IFT80: variants seen among roughly 807,000 people sequenced by gnomAD.
The protein encoded by IFT80 is intraflagellar transport protein 80 homolog.
IFT80 carries 79 observed loss-of-function variants against 107.9 expected under a neutral mutation model. The ratio of observed to expected loss-of-function variants is 0.73; its 90% CI spans 0.61 to 0.88. The LOEUF is 0.88. Ranked by LOEUF, IFT80 falls within the 40% of genes least tolerant of loss-of-function variation. The probability of loss-of-function intolerance (pLI) is 0.00; values close to 1 mark genes in which losing one functional copy is unlikely to be tolerated. For synonymous variants in IFT80, 299 were observed against 300.9 expected (o/e 0.99, Z 0.07); for missense variants, 797 against 914.2 (o/e 0.87, Z 1.65).
chr3:160,282,627 TA>T lies in IFT80; in HGVS notation c.1381-15del. The T allele has an allele frequency of 6.7e-7, 1 of 1,486,068 alleles. No individual in the cohort carries two copies. Among genetic ancestry groups the T allele is most frequent in the Non-Finnish European group, 9.4e-7 (1 of 1,067,718 alleles). The allele number at this position is 1,486,068 out of a possible 1,614,324, so 92.1% of individuals were successfully genotyped here. ...CAAGATTTCATTCTAAAATTTTTTT[TA>T]AATGTAAATACTGGGTTAGTTTTAG... On this transcript the variant is annotated splice_polypyrimidine_tract_variant and intron_variant, in intron 13 of 19. Coordinates refer to ENST00000326448, the MANE Select transcript of IFT80 (RefSeq NM_020800.3).
intron 3 of IFT80, among the ~76,000 whole-genome samples, chr3:160,380,139 TCTC>T (rs879931205): frequency 1.3e-5 from 2 of 151,660 alleles, no homozygotes; most frequent in African/African-American, 4.8e-5. Flanking sequence ...TTCAAGCAAT[TCTC>T]CTATCTCAGC....
At chr3:160,313,641 G>A (rs1187287395) in intron 9 of IFT80, among the ~76,000 whole-genome samples, 1 of 142,944 alleles carries the variant, frequency 7.0e-6, no homozygotes, top group Non-Finnish European at 1.5e-5. Context: ...CAAGAGTCTT[G>A]CTCTGTCACC....
chr3:160,356,083 G>A lies in IFT80; in HGVS notation c.707C>T (p.Ala236Val), dbSNP rs774857269. The change falls in exon 8 of 20, where the codon GCC becomes GTC. Residue 236 changes from alanine to valine, a missense_variant. Ala to Val is a moderately conservative substitution (Grantham distance 64, BLOSUM62 0). Transcript: ENST00000326448. ...QPHEHPITSVAWAPDGELFAV... is the reference protein window; with the variant it reads ...QPHEHPITSVVWAPDGELFAV... ...AAATAATTCTCCATCTGGAGCCCAG[G>A]CAACTGAAGTAATGGGATGCTCATG... The A allele has an allele frequency of 5.0e-5, 81 of 1,614,008 alleles. No individual in the cohort carries two copies. The highest frequency in any genetic ancestry group is 1.7e-5 in the Admixed American group (1 of 60,008).
intron 12 of IFT80, among the ~76,000 whole-genome samples, chr3:160,293,670 T>C (rs970552509): frequency 5.3e-5 from 8 of 152,280 alleles, no homozygotes; most frequent in Non-Finnish European, 1.0e-4. Context: ...AGTGCCATTA[T>C]TATCCTAATA....
intron 3 of IFT80, 28 bp downstream of exon 3, chr3:160,381,475 G>A (rs369299004): frequency 2.8e-5 from 41 of 1,489,382 alleles, no homozygotes; most frequent in Middle Eastern, 1.7e-4. Context: ...ATACAATGGC[G>A]AGCATATAAT....
chr3:160,365,943 G>A (rs1424578295), intron 6 of IFT80, 100 bp downstream of exon 6: 10 of 850,332 alleles, frequency 1.2e-5, no homozygotes, highest in South Asian at 4.0e-5. Context: ...AGACCAGACT[G>A]TAAAAAGACC....
chr3:160,368,238 G>A (rs1463896392), intron 5 of IFT80, among the ~76,000 whole-genome samples: 5 of 150,904 alleles, frequency 3.3e-5, no homozygotes, highest in Non-Finnish European at 4.4e-5. Flanking sequence ...TAAGACAAAT[G>A]CTTTTGTTTA....
chr3:160,309,364 G>A (rs1384944804), intron 9 of IFT80, among the ~76,000 whole-genome samples: 1 of 152,108 alleles, frequency 6.6e-6, no homozygotes, highest in Non-Finnish European at 1.5e-5. Flanking sequence ...AAAGGAATAA[G>A]GAAGATCTAT....
At chr3:160,287,735 C>T (rs1482407508) in intron 12 of IFT80, among the ~76,000 whole-genome samples, 1 of 152,114 alleles carries the variant, frequency 6.6e-6, no homozygotes, top group African/African-American at 2.4e-5. Context: ...TATACAATCT[C>T]TTGGTAATTA....
intron 8 of IFT80, among the ~76,000 whole-genome samples, chr3:160,339,848 G>A (rs1321601530): frequency 6.6e-6 from 1 of 152,154 alleles, no homozygotes; most frequent in Non-Finnish European, 1.5e-5. Context: ...ACAATCAATT[G>A]CTGTTAGCTT....
At chr3:160,325,647 G>T (rs537659063) in intron 8 of IFT80, among the ~76,000 whole-genome samples, 1 of 151,932 alleles carries the variant, frequency 6.6e-6, no homozygotes, top group Non-Finnish European at 1.5e-5. Flanking sequence ...TTCAGATTTT[G>T]AAATATTTGC....
At chr3:160,384,757 C>T (rs1290084556) in intron 1 of IFT80, 111 bp from the exon 2 acceptor site, 3 of 726,498 alleles carry the variant, frequency 4.1e-6, no homozygotes, top group Non-Finnish European at 6.8e-6. Flanking sequence ...CACCTTCAGT[C>T]CTTCTGACAT....
chr3:160,324,049 G>A (rs1205059685), intron 8 of IFT80, among the ~76,000 whole-genome samples: 3 of 152,028 alleles, frequency 2.0e-5, no homozygotes, highest in Admixed American at 6.6e-5. Flanking sequence ...TAAATTCCTC[G>A]ACGCATACAC....
chr3:160,361,035 C>T (rs1396608138), intron 6 of IFT80, among the ~76,000 whole-genome samples: 1 of 152,150 alleles, frequency 6.6e-6, no homozygotes, highest in Admixed American at 6.5e-5. Flanking sequence ...CAATATTAAC[C>T]TTAAATGTAA....
rs368938676 is a variant in IFT80 at position 160,320,441 on chromosome 3, T to TA, written c.778-503dup. Reference sequence around the variant, plus strand: ...GGATCTATTTCTTTTCTTTTTTTTTTAACAGACTGCAGTGAGTATAACCTC... The same window carrying TA: ...GGATCTATTTCTTTTCTTTTTTTTTTAAACAGACTGCAGTGAGTATAACCTC... On this transcript the variant is annotated intron_variant, in intron 8 of 19. Transcript: ENST00000326448. Among the ~76,000 whole-genome samples, 483 of 151,906 alleles carry TA rather than the reference T, an allele frequency of 3.2e-3. 2 individuals are homozygous for TA. Among genetic ancestry groups the TA allele is most frequent in the African/African-American group, 0.011 (464 of 41,502 alleles).
rs1720866599 is a variant in IFT80 at position 160,353,633 on chromosome 3, C to T, written c.777+2380G>A. On this transcript the variant is annotated intron_variant, in intron 8 of 19. Transcript: ENST00000326448. ...TCTCCTTGGAGAACTACTAATTCTT[C>T]AAGGCTCTGCTCTCTAGTCAATGTC... Among the ~76,000 whole-genome samples the T allele has an allele frequency of 3.3e-5, 5 of 152,190 alleles. No individual in the cohort carries two copies. The South Asian group carries it at 1.0e-3, about 32-fold the overall frequency.
intron 8 of IFT80, among the ~76,000 whole-genome samples, chr3:160,346,122 A>G (rs1438486451): frequency 2.6e-5 from 4 of 152,152 alleles, no homozygotes; most frequent in Admixed American, 2.0e-4. Flanking sequence ...GTAGTGGGGA[A>G]TGGGGAAATG....
intron 6 of IFT80, among the ~76,000 whole-genome samples, chr3:160,360,120 T>C (rs1342738713): frequency 6.6e-6 from 1 of 152,082 alleles, no homozygotes; most frequent in African/African-American, 2.4e-5. Context: ...AAAGATTAGA[T>C]GAATGGCTAA....
At chr3:160,298,909 G>T (rs1165824631) in intron 12 of IFT80, among the ~76,000 whole-genome samples, 1 of 152,044 alleles carries the variant, frequency 6.6e-6, no homozygotes, top group East Asian at 1.9e-4. Flanking sequence ...CATTACAATG[G>T]CTATGACATT....
Sources: gnomAD v4.1 joint callset for allele counts (sites outside exome capture counted in the v4.1 genomes callset) on GRCh38, gnomAD v4.1.1 for gene constraint, MANE v1.5 for transcripts, NCBI Gene and HGNC (gene_info 2026-07-23, HGNC 2026-07-21) for gene names.